The following JKAMP variants were observed in gnomAD, a reference collection of about 807,000 sequenced individuals.
JKAMP encodes the protein JNK1/MAPK8-associated membrane protein.
JKAMP carries 20 observed loss-of-function variants against 40.2 expected under a neutral mutation model. The ratio of observed to expected loss-of-function variants is 0.50; its 90% CI spans 0.35 to 0.72. JKAMP has a LOEUF of 0.72. Among genes scored for constraint, JKAMP ranks in the 30% least tolerant of loss-of-function variants. The pLI, the probability that JKAMP is intolerant of heterozygous loss-of-function variation, is 0.01. For missense variants in JKAMP, 276 were observed against 373.0 expected, an observed-to-expected ratio of 0.74 and a Z score of 2.14; for synonymous variants, 138 against 131.6, an observed-to-expected ratio of 1.05 and a Z score of -0.33.
chr14:59,487,643 G>A (rs757012056), intron 2 of JKAMP, 31 bp from the exon 3 acceptor site: 4 of 1,548,662 alleles, frequency 2.6e-6, no homozygotes, highest in Admixed American at 1.7e-5. Context: ...AATAATATCT[G>A]TACACAAAAT....
intron 3 of JKAMP, among the ~76,000 whole-genome samples, chr14:59,494,397 A>G (rs1476760763): frequency 6.6e-6 from 1 of 152,226 alleles, no homozygotes; most frequent in Non-Finnish European, 1.5e-5. Flanking sequence ...CCTCAGCTAT[A>G]AGCAATAACA....
At chr14:59,487,054 T>A (rs1198782792) in intron 2 of JKAMP, 15 of 316,026 alleles carry the variant, frequency 4.7e-5, no homozygotes, top group Non-Finnish European at 8.2e-5. Context: ...TAGAAAAAAA[T>A]TAGCTGGGCA....
chr14:59,486,787 A>G lies in JKAMP; in HGVS notation c.79A>G (p.Ile27Val), dbSNP rs1305482678. The G allele has an allele frequency of 4.4e-6, 7 of 1,575,626 alleles. No homozygotes were observed. Among genetic ancestry groups the G allele is most frequent in the Non-Finnish European group, 6.1e-6 (7 of 1,154,292 alleles). The change falls in exon 2 of 7, where the codon ATA becomes GTA. Residue 27 changes from isoleucine to valine, a missense_variant. Coordinates refer to ENST00000616435, the MANE Select transcript of JKAMP (RefSeq NM_016475.5). ...ATTATTTAAAAATGGCTCAACTGAA[A>G]TATATGGAGAATGTGGGGTAAGTCT... is the stretch of plus-strand genomic sequence containing the variant. ...TLLFKNGSTE[I>V]YGECGVCPRG...
At chr14:59,488,482 C>T (rs1323069170) in intron 3 of JKAMP, among the ~76,000 whole-genome samples, 1 of 151,888 alleles carries the variant, frequency 6.6e-6, no homozygotes, top group Non-Finnish European at 1.5e-5. Flanking sequence ...ACATTTTAGG[C>T]AGAAGAAACA....
chr14:59,485,943 A>G (rs1890534201), intron 1 of JKAMP: 2 of 152,170 alleles, frequency 1.3e-5, no homozygotes, highest in South Asian at 2.1e-4. Flanking sequence ...CAATGAATGA[A>G]TGAAGGGAAT....
intron 4 of JKAMP, among the ~76,000 whole-genome samples, chr14:59,498,434 C>T (rs753824942): frequency 4.6e-5 from 7 of 152,066 alleles, no homozygotes; most frequent in East Asian, 3.9e-4. Context: ...TTATGTATCC[C>T]TGGTTGTTTC....
chr14:59,494,743 TTAAAA>T (rs1409674132), intron 3 of JKAMP, among the ~76,000 whole-genome samples: 1 of 152,186 alleles, frequency 6.6e-6, no homozygotes, highest in Non-Finnish European at 1.5e-5. Flanking sequence ...CATATTAAGA[TTAAAA>T]TGATACACAG....
intron 4 of JKAMP, among the ~76,000 whole-genome samples, chr14:59,498,098 A>C (rs1891583273): frequency 6.6e-6 from 1 of 152,220 alleles, no homozygotes; most frequent in African/African-American, 2.4e-5. Context: ...ATAAAAGCAC[A>C]CACAGAATAA....
At chr14:59,500,625 C>A (rs752492889) in intron 5 of JKAMP, among the ~76,000 whole-genome samples, 2 of 152,114 alleles carry the variant, frequency 1.3e-5, no homozygotes, top group African/African-American at 4.8e-5. Context: ...TTATAGATAA[C>A]CTTTTTCAAC....
intron 3 of JKAMP, 86 bp from the exon 4 acceptor site, chr14:59,494,932 C>T: frequency 1.1e-6 from 1 of 926,698 alleles, no homozygotes; most frequent in Non-Finnish European, 1.7e-6. Context: ...ATTTAGAAAT[C>T]TGTATCTTGA....
chr14:59,485,908 AC>A (rs1478881573), intron 1 of JKAMP: 1 of 152,036 alleles, frequency 6.6e-6, no homozygotes, highest in African/African-American at 2.4e-5. Flanking sequence ...GAGCCACCTC[AC>A]CGAGCCTGTT....
In JKAMP at chr14:59,487,836, C is replaced by A. The variant is rs771452489; in HGVS notation, c.251+8C>A. 3 of 1,611,948 alleles carry A rather than the reference C, an allele frequency of 1.9e-6. No homozygotes were observed. The East Asian group carries it at 6.7e-5, about 36-fold the overall frequency. On this transcript the variant is annotated splice_region_variant and intron_variant, in intron 3 of 6. Transcript: ENST00000616435. Reference sequence around the variant, plus strand: ...GTACTCGGGGAAAAAGAGGTTAGCACATTTCTATGAACATATCTGGCTGGA... The same window carrying A: ...GTACTCGGGGAAAAAGAGGTTAGCAAATTTCTATGAACATATCTGGCTGGA...
rs2139902592 is a variant in JKAMP, at chr14:59,498,887, G to A, written c.619G>A (p.Ala207Thr). ...YFFPILTVLQAVGGGLLYYAF... is the reference protein window; with the variant it reads ...YFFPILTVLQTVGGGLLYYAF... ...CTTCCCAATTTTAACCGTGCTTCAGGCAGTTGGTGGAGGCCTTTTATGTAA... is the reference window on the plus strand; with the variant it reads ...CTTCCCAATTTTAACCGTGCTTCAGACAGTTGGTGGAGGCCTTTTATGTAA... Residue 207 changes from alanine (A) to threonine (T), a missense_variant, in exon 5 of 7, where the codon GCA (alanine) becomes ACA (threonine). Coordinates refer to ENST00000616435, the MANE Select transcript of JKAMP (RefSeq NM_016475.5). The A allele has an allele frequency of 1.9e-6, 3 of 1,608,094 alleles. No homozygotes were observed. The East Asian group carries it at 6.7e-5, about 36-fold the overall frequency.
intron 3 of JKAMP, among the ~76,000 whole-genome samples, chr14:59,494,756 CAGAT>C (rs1164163475): frequency 6.6e-6 from 1 of 152,098 alleles, no homozygotes; most frequent in Non-Finnish European, 1.5e-5. Flanking sequence ...AAATGATACA[CAGAT>C]AACTAAGAAA....
At chr14:59,492,635 A>G (rs72710978) in intron 3 of JKAMP, among the ~76,000 whole-genome samples, 1 of 152,338 alleles carries the variant, frequency 6.6e-6, no homozygotes, top group Non-Finnish European at 1.5e-5. Context: ...TTGCCTAGCA[A>G]TATAGTTGAC....
chr14:59,503,771 T>C (rs932888441), intron 6 of JKAMP, 83 bp from the exon 7 acceptor site: 14 of 761,704 alleles, frequency 1.8e-5, no homozygotes, highest in Non-Finnish European at 2.5e-5. Context: ...TAATACATTT[T>C]ATATTAAGTT....
At position 59,501,275 on chromosome 14, in the gene JKAMP, G is replaced by A. The variant is rs773927125; in HGVS notation, c.717+8G>A. ...TCTGCTTCTGAAATAGAGGTAGGAAGTCTTTTTTTCCTTTGTTAAAGACTT... is the reference window on the plus strand; with the variant it reads ...TCTGCTTCTGAAATAGAGGTAGGAAATCTTTTTTTCCTTTGTTAAAGACTT... On this transcript the variant is annotated splice_region_variant and intron_variant, in intron 6 of 6. Coordinates refer to ENST00000616435, the MANE Select transcript of JKAMP (RefSeq NM_016475.5). 5 of 1,561,652 alleles carry A rather than the reference G, an allele frequency of 3.2e-6. No individual in the cohort carries two copies. In the African/African-American group the frequency reaches 5.4e-5, roughly 17 times the overall value.
At chr14:59,496,763 T>C (rs939554889) in intron 4 of JKAMP, among the ~76,000 whole-genome samples, 9 of 152,174 alleles carry the variant, frequency 5.9e-5, no homozygotes, top group African/African-American at 7.2e-5. Context: ...TGAATCAAGA[T>C]TGTTTGTTTT....
intron 3 of JKAMP, among the ~76,000 whole-genome samples, chr14:59,494,139 A>G (rs996070274): frequency 8.5e-6 from 1 of 117,064 alleles, no homozygotes; most frequent in Admixed American, 8.6e-5. Flanking sequence ...TGTGTGTGTG[A>G]GATACACACA....
Sources: allele counts gnomAD v4.1 joint callset (sites outside exome capture counted in the v4.1 genomes callset), GRCh38; gene constraint gnomAD v4.1.1; transcripts MANE v1.5; gene names NCBI Gene and HGNC (gene_info 2026-07-23, HGNC 2026-07-21).